The following FAT1 variants were observed in gnomAD, a reference collection of about 807,000 sequenced individuals.
FAT1 encodes protocadherin Fat 1.
Under a neutral mutation model 329.8 loss-of-function variants are expected in FAT1, and 171 were observed. That is an observed-to-expected ratio of 0.52 (90% CI 0.46 to 0.59). FAT1 has a LOEUF of 0.59. FAT1 is among the 20% of genes least tolerant of loss of function. The pLI is 0.00. For synonymous variants in FAT1, 2,233 were observed against 2,228.6 expected, an observed-to-expected ratio of 1.00 and a Z score of -0.06; for missense variants, 5,672 against 5,774.4, an observed-to-expected ratio of 0.98 and a Z score of 0.57.
chr4:186,673,794 A>C (rs1416200427), intron 2 of FAT1, among the ~76,000 whole-genome samples: 1 of 152,232 alleles, frequency 6.6e-6, no homozygotes, highest in Non-Finnish European at 1.5e-5. Flanking sequence ...AGTCATTCCC[A>C]GGGTAAGCTC....
chr4:186,669,417 G>A (rs1742633002), intron 2 of FAT1, among the ~76,000 whole-genome samples: 1 of 152,224 alleles, frequency 6.6e-6, no homozygotes, highest in Non-Finnish European at 1.5e-5. Flanking sequence ...GTTGAGACAC[G>A]CTTGTTACGT....
intron 3 of FAT1, among the ~76,000 whole-genome samples, chr4:186,642,617 G>GGTGCTGCAATGGGTGGCTAC (rs1276078344): frequency 7.0e-6 from 1 of 143,314 alleles, no homozygotes; most frequent in African/African-American, 3.0e-5. Flanking sequence ...GCGTGTGCCA[G>GGTGCTGCAATGGGTGGCTAC]GTGCTGCGAT....
In FAT1 at chr4:186,708,435, G is replaced by C; in HGVS notation, c.1393C>G (p.Gln465Glu). ...GANSNPPEFT[Q>E]TAYKAAFDEN... ...TCAAAAGCAGCTTTGTACGCTGTCT[G>C]GGTAAATTCAGGGGGATTGCTATTT... The change falls in exon 2 of 27, where the codon CAG (glutamine) becomes GAG (glutamate). Residue 465 changes from glutamine to glutamate, a missense_variant. Physicochemically the swap from Gln to Glu is conservative, Grantham distance 29. Coordinates refer to ENST00000441802, the MANE Select transcript of FAT1 (RefSeq NM_005245.4). 1 of 1,613,964 alleles carries C rather than the reference G, an allele frequency of 6.2e-7. No homozygotes were observed. The highest frequency in any genetic ancestry group is 8.5e-7 in the Non-Finnish European group (1 of 1,179,884).
Position 186,604,690 on chromosome 4 carries a change from CTCTA to C in FAT1, c.10351-120_10351-117del, listed in dbSNP as rs1341474566. The C allele has an allele frequency of 7.7e-6, 5 of 648,168 alleles. No individual in the cohort carries two copies. The Admixed American group carries it at 1.6e-4, about 20-fold the overall frequency. 40.2% of individuals were successfully genotyped at this position (648,168 alleles called of 1,614,324 possible). ...ATACATACAAAACAAAGCCTTTCTG[CTCTA>C]TCTGAAAGGAAGAGAAGAAAGGTGG... On this transcript the variant is annotated intron_variant, in intron 17 of 26. Coordinates refer to ENST00000441802, the MANE Select transcript of FAT1 (RefSeq NM_005245.4).
rs1738367837 is a variant in FAT1, at chr4:186,593,997, T to A, written c.13138+1692A>T. Among the ~76,000 whole-genome samples, 4 of 152,328 alleles carry A rather than the reference T, an allele frequency of 2.6e-5. No individual in the cohort carries two copies. In the South Asian group the frequency reaches 8.3e-4, roughly 32 times the overall value. On this transcript the variant is annotated intron_variant, in intron 26 of 26. Coordinates refer to ENST00000441802, the MANE Select transcript of FAT1 (RefSeq NM_005245.4). ...AAAAACACTCCTGTATATATGTTTT[T>A]TCTCTGCATTGTACTATCTGGAAGC...
At chr4:186,626,619 G>A (rs1423357385) in intron 9 of FAT1, among the ~76,000 whole-genome samples, 2 of 113,652 alleles carry the variant, frequency 1.8e-5, no homozygotes, top group Non-Finnish European at 1.8e-5. Flanking sequence ...ATGGCACCTG[G>A]CACATAAAGT....
intron 3 of FAT1, among the ~76,000 whole-genome samples, chr4:186,642,217 A>G (rs1560959846): frequency 6.6e-6 from 1 of 151,976 alleles, no homozygotes; most frequent in Non-Finnish European, 1.5e-5. Context: ...TTCAGTTTAA[A>G]CTGAAGCGGG....
At chr4:186,645,422 T>TATCTCTAA (rs1420963668) in intron 3 of FAT1, among the ~76,000 whole-genome samples, 28 of 58,010 alleles carry the variant, frequency 4.8e-4, no homozygotes, top group African/African-American at 2.1e-3. Context: ...TATATATATA[T>TATCTCTAA]GCCTGTAAAA....
At chr4:186,645,956 A>AT (rs1471797644) in intron 3 of FAT1, among the ~76,000 whole-genome samples, 19 of 113,160 alleles carry the variant, frequency 1.7e-4, no homozygotes, top group Non-Finnish European at 2.1e-4. Context: ...AAAAAAAAAA[A>AT]AAAAAAATAT....
At position 186,619,320 on chromosome 4, in the gene FAT1, T is replaced by C. The variant is rs2126504305; in HGVS notation, c.7266A>G (p.Ile2422Met). The C allele has an allele frequency of 6.2e-7, 1 of 1,614,044 alleles. No homozygotes were observed. The highest frequency in any genetic ancestry group is 8.5e-7 in the Non-Finnish European group (1 of 1,179,892). ...ACAGAATGGAATACTGCAACTTGTC[T>C]ATGTCTGAACTGTCTGCATCATAGG... ...VKAYDADSSD[I>M]DKLQYSILSG... Residue 2422 changes from isoleucine to methionine, a missense_variant, in exon 10 of 27, where the codon ATA becomes ATG. By Grantham distance (10) the Ile-to-Met change is conservative. Transcript: ENST00000441802.
At chr4:186,645,167 C>T (rs970726677) in intron 3 of FAT1, among the ~76,000 whole-genome samples, 8 of 151,554 alleles carry the variant, frequency 5.3e-5, no homozygotes, top group African/African-American at 1.9e-4. Flanking sequence ...GTGAGTGAGG[C>T]CACCGAGGAC....
intron 3 of FAT1, among the ~76,000 whole-genome samples, chr4:186,645,692 T>C (rs930094861): frequency 4.6e-5 from 7 of 151,492 alleles, no homozygotes; most frequent in Non-Finnish European, 8.8e-5. Flanking sequence ...GATGGCATAA[T>C]CCCAGCACTC....
At chr4:186,683,390 C>A (rs377670470) in intron 2 of FAT1, among the ~76,000 whole-genome samples, 10 of 152,034 alleles carry the variant, frequency 6.6e-5, no homozygotes, top group African/African-American at 2.4e-4. Flanking sequence ...GGCACAGCAC[C>A]GTCTACCTTG....
Position 186,620,150 on chromosome 4 carries a change from A to G in FAT1, c.6436T>C (p.Leu2146=), listed in dbSNP as rs756333073. ...SLKKQFELDT[L]NKEYLVTVVA... is the part of the protein sequence containing the mutation. Reference sequence around the variant, plus strand: ...ACTGTAACAAGATATTCTTTATTTAAGGTGTCAAGCTCAAATTGCTTTTTC... The same window carrying G: ...ACTGTAACAAGATATTCTTTATTTAGGGTGTCAAGCTCAAATTGCTTTTTC... The change falls in exon 10 of 27, where the codon TTA becomes CTA. Residue 2146 remains leucine (L), a synonymous_variant. Transcript: ENST00000441802. 1 of 1,614,010 alleles carries G rather than the reference A, an allele frequency of 6.2e-7. No homozygotes were observed. The highest frequency in any genetic ancestry group is 8.5e-7 in the Non-Finnish European group (1 of 1,179,898).
intron 14 of FAT1, among the ~76,000 whole-genome samples, chr4:186,610,667 T>C (rs528199829): frequency 8.6e-5 from 6 of 69,758 alleles, no homozygotes; most frequent in African/African-American, 4.7e-4. Context: ...ATAAATTATA[T>C]AATTTATATA....
At position 186,709,785 on chromosome 4, in the gene FAT1, A is replaced by C; in HGVS notation, c.43T>G (p.Phe15Val). The change falls in exon 2 of 27, where the codon TTC becomes GTC. Residue 15 changes from phenylalanine (F) to valine (V), a missense_variant. By Grantham distance (50) the Phe-to-Val change is conservative (BLOSUM62 -1). Around this residue, in one of 2 missense-constraint regions of FAT1, gnomAD observed 3,966 missense variants for 3,915.2 expected, o/e 1.01. Coordinates refer to ENST00000441802, the MANE Select transcript of FAT1 (RefSeq NM_005245.4). The part of the protein sequence containing the change: ...LALLLLLLLL[F>V]QHFGDSDGSQ... ...CCATCACTGTCTCCAAAATGTTGGAAGAGAAGGAGCAGAAGCAGGAGCAAA... is the reference window on the plus strand; with the variant it reads ...CCATCACTGTCTCCAAAATGTTGGACGAGAAGGAGCAGAAGCAGGAGCAAA... The C allele has an allele frequency of 6.2e-7, 1 of 1,611,240 alleles. No individual in the cohort carries two copies. The highest frequency in any genetic ancestry group is 8.5e-7 in the Non-Finnish European group (1 of 1,178,516).
At chr4:186,626,700 G>A (rs1178852702) in intron 9 of FAT1, among the ~76,000 whole-genome samples, 2 of 139,872 alleles carry the variant, frequency 1.4e-5, no homozygotes, top group Non-Finnish European at 3.1e-5. Flanking sequence ...CACATAAAGT[G>A]AGCTTCATCA....
At chr4:186,599,839 C>A (rs1738709865) in intron 22 of FAT1, 59 bp downstream of exon 22, 1 of 1,292,682 alleles carries the variant, frequency 7.7e-7, no homozygotes, top group Non-Finnish European at 1.1e-6. Flanking sequence ...ACCTGGGGAG[C>A]TTCCCCTTAA....
In FAT1 at chr4:186,600,157, G is replaced by A. The variant is rs2126412745; in HGVS notation, c.11844C>T (p.Asn3948=). The change falls in exon 22 of 27, where the codon AAC becomes AAT. Residue 3948 remains asparagine (N), a synonymous_variant. Coordinates refer to ENST00000441802, the MANE Select transcript of FAT1 (RefSeq NM_005245.4). ...PGTLKTLNLD[N]YVFFGGHIRQ... ...GGATGTGGCCACCAAAAAACACATA[G>A]TTATCCAGGTTCAGGGTTTTCAGAG... The A allele has an allele frequency of 6.2e-7, 1 of 1,614,068 alleles. No homozygotes were observed. The highest frequency in any genetic ancestry group is 8.5e-7 in the Non-Finnish European group (1 of 1,179,904).
Sources: allele counts gnomAD v4.1 joint callset (sites outside exome capture counted in the v4.1 genomes callset), GRCh38; gene constraint gnomAD v4.1.1; regional missense constraint gnomAD v4.1.1; transcripts MANE v1.5; gene names NCBI Gene and HGNC (gene_info 2026-07-23, HGNC 2026-07-21).